Variants in DNAH6 observed in about 807,000 individuals in gnomAD.
The protein encoded by DNAH6 is dynein axonemal heavy chain 6, also known as axonemal beta dynein heavy chain 6.
Under a neutral mutation model 491.4 loss-of-function variants are expected in DNAH6, and 340 were observed. The observed-to-expected ratio is 0.69, with a 90% CI of 0.63 to 0.76. The LOEUF (loss-of-function observed/expected upper bound fraction) is 0.76. DNAH6 is among the 30% of genes least tolerant of loss of function. DNAH6 has a pLI of 0.00. For missense variants in DNAH6, 4,443 were observed against 4,972.2 expected, an observed-to-expected ratio of 0.89 and a Z score of 3.20; for synonymous variants, 1,603 against 1,686.1, an observed-to-expected ratio of 0.95 and a Z score of 1.21.
rs190304877 is a variant in DNAH6 at position 84,636,863 on chromosome 2, C to T, written c.4654-347C>T. On this transcript the variant is annotated intron_variant, in intron 30 of 76. Transcript: ENST00000389394. ...GAGCTCTGATCATGCCACTTGCACC[C>T]CAACCTGGGAGATAAAGCAAGACCC... 7.4e-4 allele frequency among the ~76,000 whole-genome samples: 112 copies of T among 151,390 alleles called. 1 individual carries two copies. The highest frequency in any genetic ancestry group is 2.6e-3 in the African/African-American group (106 of 40,978).
chr2:84,525,527 TG>T, intron 2 of DNAH6, 37 bp from the exon 3 acceptor site: 1 of 1,515,982 alleles, frequency 6.6e-7, no homozygotes, highest in South Asian at 1.3e-5. Flanking sequence ...TTTATACGAA[TG>T]TTAATAAAAA....
Position 84,670,410 on chromosome 2 carries a change from C to T in DNAH6, c.6389C>T (p.Thr2130Ile), listed in dbSNP as rs1331309034. Residue 2130 changes from threonine to isoleucine, a missense_variant, in exon 39 of 77, where the codon ACT becomes ATT. Around this residue, in one of 3 missense-constraint regions of DNAH6, gnomAD observed 2,977 missense variants for 3,296.6 expected, o/e 0.90. Transcript: ENST00000389394. ...VPVYLNFSAQ[T>I]SSARTQEIIE... is the part of the protein sequence containing the mutation. ...GTTTATCTAAATTTTTCTGCTCAAA[C>T]TTCATCTGCAAGGACACAAGAGATC... 1 of 1,547,268 alleles carries T rather than the reference C, an allele frequency of 6.5e-7. No homozygotes were observed. The highest frequency in any genetic ancestry group is 8.7e-7 in the Non-Finnish European group (1 of 1,144,298).
intron 37 of DNAH6, among the ~76,000 whole-genome samples, chr2:84,662,498 C>A (rs546604668): frequency 6.6e-6 from 1 of 152,342 alleles, no homozygotes; most frequent in Non-Finnish European, 1.5e-5. Flanking sequence ...CAGATCCTCA[C>A]TCACTGCTAG....
At chr2:84,647,587 C>T (rs1166344566) in intron 33 of DNAH6, among the ~76,000 whole-genome samples, 1 of 152,168 alleles carries the variant, frequency 6.6e-6, no homozygotes, top group Non-Finnish European at 1.5e-5. Flanking sequence ...TCTACTCTAC[C>T]TGTGCTCTAA....
the DNAH6 span, among the ~76,000 whole-genome samples, chr2:84,473,920 A>T: frequency 6.6e-6 from 1 of 152,182 alleles, no homozygotes; most frequent in Non-Finnish European, 1.5e-5. Context: ...AACATTTTTT[A>T]AACTGTTCTC....
rs573545832 is a variant in DNAH6 at position 84,702,077 on chromosome 2, A to G, written c.8061+738A>G. On this transcript the variant is annotated intron_variant, in intron 49 of 76. Transcript: ENST00000389394. The stretch of plus-strand genomic sequence containing the variant: ...TCTCTATGGTATTTAATACAGAGGA[A>G]AACATTTTGTTAAGCAATACAGATG... 2.7e-4 allele frequency among the ~76,000 whole-genome samples: 41 copies of G among 152,332 alleles called. No individual in the cohort carries two copies. The South Asian group carries it at 8.1e-3, about 30-fold the overall frequency.
At chr2:84,756,679 C>G (rs1432638664) in intron 63 of DNAH6, among the ~76,000 whole-genome samples, 1 of 152,210 alleles carries the variant, frequency 6.6e-6, no homozygotes, top group African/African-American at 2.4e-5. Flanking sequence ...GAACCATGCC[C>G]TTTCTCTGGG....
chr2:84,677,211 G>T, intron 41 of DNAH6, 75 bp downstream of exon 41: 4 of 1,532,926 alleles, frequency 2.6e-6, no homozygotes, highest in East Asian at 2.5e-5. Flanking sequence ...CAATCAAAGT[G>T]GTGTCTTGTG....
At chr2:84,615,406 TA>T (rs1686756052) in intron 22 of DNAH6, among the ~76,000 whole-genome samples, 1 of 152,216 alleles carries the variant, frequency 6.6e-6, no homozygotes, top group African/African-American at 2.4e-5. Flanking sequence ...CCTATTTTTA[TA>T]CCAGTACCAT....
rs1415996187 is a variant in DNAH6, at chr2:84,694,313, A to G, written c.7357A>G (p.Lys2453Glu). 6.4e-6 allele frequency: 10 copies of G among 1,552,198 alleles called. No homozygotes were observed. The highest frequency in any genetic ancestry group is 3.9e-5 in the Admixed American group (2 of 51,002). Residue 2453 changes from lysine (K) to glutamate (E), a missense_variant, in exon 46 of 77, where the codon AAG becomes GAG. Coordinates refer to ENST00000389394, the MANE Select transcript of DNAH6 (RefSeq NM_001370.2). Reference sequence around the variant, plus strand: ...GCTTGTTGGAGTAGGAGGCACAGGAAAGCAGTCACTCACGAGACTTGCAGC... The same window carrying G: ...GCTTGTTGGAGTAGGAGGCACAGGAGAGCAGTCACTCACGAGACTTGCAGC... ...ALLVGVGGTG[K>E]QSLTRLAAHI...
chr2:84,513,845 T>TG (rs1675425495), upstream of DNAH6, among the ~76,000 whole-genome samples: 2 of 152,108 alleles, frequency 1.3e-5, no homozygotes, highest in South Asian at 2.1e-4. Context: ...CCTAAATTCC[T>TG]GGGGGAGACT....
Position 84,781,415 on chromosome 2 carries a change from A to G in DNAH6, c.10704-78A>G, listed in dbSNP as rs570781119. The G allele has an allele frequency of 4.2e-6, 5 of 1,203,630 alleles. No individual in the cohort carries two copies. In the African/African-American group the frequency reaches 6.1e-5, roughly 15 times the overall value. The allele number at this position is 1,203,630 out of a possible 1,614,324, so 74.6% of individuals were successfully genotyped here. A position where few individuals can be genotyped will look rare whatever the true frequency, so the allele number is the denominator to read the frequency against. ...GTTTATATATCCTAAGCAAGAGTCTACTGTATTTATATTTCTTCATATTGA... is the reference window on the plus strand; with the variant it reads ...GTTTATATATCCTAAGCAAGAGTCTGCTGTATTTATATTTCTTCATATTGA... On this transcript the variant is annotated intron_variant, in intron 64 of 76. Coordinates refer to ENST00000389394, the MANE Select transcript of DNAH6 (RefSeq NM_001370.2).
At chr2:84,640,013 G>C (rs778552778) in intron 31 of DNAH6, among the ~76,000 whole-genome samples, 1 of 152,166 alleles carries the variant, frequency 6.6e-6, no homozygotes. Flanking sequence ...TTGACTCCTC[G>C]GGAAACTAAG....
chr2:84,608,644 C>T (rs1337872216), intron 21 of DNAH6, among the ~76,000 whole-genome samples: 3 of 152,164 alleles, frequency 2.0e-5, no homozygotes, highest in African/African-American at 7.2e-5. Flanking sequence ...GATGTGCTGT[C>T]ACACAGGCTT....
the DNAH6 span, among the ~76,000 whole-genome samples, chr2:84,467,741 A>G: frequency 6.6e-6 from 1 of 152,250 alleles, no homozygotes; most frequent in Non-Finnish European, 1.5e-5. Flanking sequence ...TTAGGACAAG[A>G]ATTTAACATA....
At chr2:84,581,797 A>G (rs1373986832) in intron 14 of DNAH6, among the ~76,000 whole-genome samples, 1 of 152,258 alleles carries the variant, frequency 6.6e-6, no homozygotes, top group East Asian at 1.9e-4. Context: ...GTTAAGTAGA[A>G]TTGAAAGGAC....
chr2:84,690,097 C>A (rs1275843279), intron 45 of DNAH6, among the ~76,000 whole-genome samples: 1 of 152,182 alleles, frequency 6.6e-6, no homozygotes, highest in Admixed American at 6.5e-5. Context: ...GGAATAAATA[C>A]AGTAAAATAC....
chr2:84,667,898 AT>A (rs1692322135), intron 37 of DNAH6, among the ~76,000 whole-genome samples: 2 of 152,250 alleles, frequency 1.3e-5, no homozygotes, highest in African/African-American at 4.8e-5. Flanking sequence ...ACCATGGAAT[AT>A]TATGCAGCCA....
rs1007818675 is a variant in DNAH6 at position 84,554,795 on chromosome 2, C to T, written c.1602+1761C>T. 2.6e-5 allele frequency among the ~76,000 whole-genome samples: 4 copies of T among 152,224 alleles called. 1 individual carries two copies. The highest frequency in any genetic ancestry group is 5.9e-5 in the Non-Finnish European group (4 of 68,040). ...CATGTCCCCTCCTGGCCACAAGACTCATGTCCTTCACATGGGATGCAGGTG... is the reference window on the plus strand; with the variant it reads ...CATGTCCCCTCCTGGCCACAAGACTTATGTCCTTCACATGGGATGCAGGTG... On this transcript the variant is annotated intron_variant, in intron 10 of 76. Coordinates refer to ENST00000389394, the MANE Select transcript of DNAH6 (RefSeq NM_001370.2).
Sources: allele counts gnomAD v4.1 joint callset (sites outside exome capture counted in the v4.1 genomes callset), GRCh38; gene constraint gnomAD v4.1.1; regional missense constraint gnomAD v4.1.1; transcripts MANE v1.5; gene names NCBI Gene and HGNC (gene_info 2026-07-23, HGNC 2026-07-21).